Variants in BLM observed in about 807,000 individuals in gnomAD.
The protein encoded by BLM is recQ-like DNA helicase BLM.
A neutral mutation model predicts 135.3 loss-of-function variants in BLM; 95 were observed. The observed-to-expected ratio is 0.70, with a 90% CI of 0.59 to 0.83. The LOEUF is 0.83. Ranked by LOEUF, BLM falls within the 40% of genes least tolerant of loss-of-function variation. BLM has a pLI of 0.00. For missense variants in BLM, 1,518 were observed against 1,663.9 expected (o/e 0.91, Z 1.53); for synonymous variants, 520 against 589.2 (o/e 0.88, Z 1.70).
In BLM at chr15:90,747,237, CAAAAAA is replaced by C. The variant is rs59331923; in HGVS notation, c.-4-131_-4-126del. On this transcript the variant is annotated intron_variant, in intron 1 of 21. Coordinates refer to ENST00000355112, the MANE Select transcript of BLM (RefSeq NM_000057.4). The stretch of plus-strand genomic sequence containing the variant: ...GTAAATGTCAAAACAGTCTATTGAC[CAAAAAA>C]AAAAAAAAAAAAAAAAAAAAGTCCT... Among the ~76,000 whole-genome samples, 8 of 39,294 alleles carry C rather than the reference CAAAAAA, an allele frequency of 2.0e-4. No individual in the cohort carries two copies. In the East Asian group the frequency reaches 3.5e-3, roughly 17 times the overall value. 25.8% of individuals were successfully genotyped at this position (39,294 alleles called of 152,430 possible). A position where few individuals can be genotyped will look rare whatever the true frequency, so the allele number is the denominator to read the frequency against.
At position 90,761,011 on chromosome 15, in the gene BLM, A is replaced by G; in HGVS notation, c.1638A>G (p.Glu546=). The G allele has an allele frequency of 6.2e-7, 1 of 1,607,062 alleles. No homozygotes were observed. The highest frequency in any genetic ancestry group is 8.5e-7 in the Non-Finnish European group (1 of 1,177,380). Residue 546 remains glutamate, a synonymous_variant, in exon 7 of 22, where the codon GAA becomes GAG. Coordinates refer to ENST00000355112, the MANE Select transcript of BLM (RefSeq NM_000057.4). ...HTASINDLER[E]TQPSYDIDNF... is the part of the protein sequence containing the mutation. ...CTTCAATAAATGACTTAGAAAGAGA[A>G]ACCCAACCTTCCTATGATATTGATA...
In BLM at chr15:90,794,276, C is replaced by T. The variant is rs1896977206; in HGVS notation, c.3129C>T (p.Ala1043=). ...AATGCAGGAGAATACAGCTTTTGGCCTACTTTGGTGAAAATGGATTTAATC... is the reference window on the plus strand; with the variant it reads ...AATGCAGGAGAATACAGCTTTTGGCTTACTTTGGTGAAAATGGATTTAATC... The part of the protein sequence containing the change: ...ITECRRIQLL[A]YFGENGFNPD... Residue 1043 remains alanine (A), a synonymous_variant, in exon 16 of 22, where the codon GCC becomes GCT. Coordinates refer to ENST00000355112, the MANE Select transcript of BLM (RefSeq NM_000057.4). 1.9e-6 allele frequency: 3 copies of T among 1,607,040 alleles called. No homozygotes were observed. Among genetic ancestry groups the T allele is most frequent in the Non-Finnish European group, 2.6e-6 (3 of 1,176,176 alleles).
intron 5 of BLM, 195 bp from the exon 6 acceptor site, chr15:90,759,952 A>G: frequency 2.3e-6 from 1 of 431,960 alleles, no homozygotes. Flanking sequence ...TCAAGATCTT[A>G]AGACTTTTTT....
chr15:90,724,186 T>C (rs1315028478), intron 1 of BLM, among the ~76,000 whole-genome samples: 1 of 151,978 alleles, frequency 6.6e-6, no homozygotes, highest in Non-Finnish European at 1.5e-5. Flanking sequence ...CTAACTTTTT[T>C]ATTTTTTGTA....
At chr15:90,752,756 T>G (rs1217285685) in intron 4 of BLM, among the ~76,000 whole-genome samples, 1 of 152,216 alleles carries the variant, frequency 6.6e-6, no homozygotes, top group East Asian at 1.9e-4. Flanking sequence ...CAATGTTACC[T>G]TCGTCCTCAT....
chr15:90,769,300 A>G, intron 11 of BLM, 69 bp downstream of exon 11: 1 of 1,540,248 alleles, frequency 6.5e-7, no homozygotes, highest in Non-Finnish European at 9.0e-7. Context: ...GTATTTACTG[A>G]ATAAAAACCC....
At chr15:90,768,617 T>G (rs745459968) in intron 10 of BLM, among the ~76,000 whole-genome samples, 1 of 152,272 alleles carries the variant, frequency 6.6e-6, no homozygotes, top group Non-Finnish European at 1.5e-5. Flanking sequence ...ATAAGCTGTT[T>G]GCTTAATGTT....
chr15:90,794,048 G>A, intron 15 of BLM, 119 bp from the exon 16 acceptor site: 1 of 660,298 alleles, frequency 1.5e-6, no homozygotes, highest in Non-Finnish European at 2.4e-6. Flanking sequence ...TGACAATGCT[G>A]TTAACAGTAA....
intron 12 of BLM, among the ~76,000 whole-genome samples, chr15:90,781,709 G>C (rs1404455579): frequency 6.6e-6 from 1 of 152,186 alleles, no homozygotes; most frequent in Non-Finnish European, 1.5e-5. Flanking sequence ...TTTTAAGAGA[G>C]CTTATGAATT....
chr15:90,722,630 A>G (rs1894800498), intron 1 of BLM, among the ~76,000 whole-genome samples: 1 of 152,224 alleles, frequency 6.6e-6, no homozygotes, highest in Non-Finnish European at 1.5e-5. Flanking sequence ...TACATAATTT[A>G]AAGAATAGTT....
chr15:90,813,809 G>A (rs9282613), intron 21 of BLM, among the ~76,000 whole-genome samples: 2,027 of 152,254 alleles, frequency 0.013, 23 homozygotes, highest in Middle Eastern at 0.058. Context: ...GTGCTCCCCG[G>A]ATTGAGAGTC....
intron 15 of BLM, among the ~76,000 whole-genome samples, chr15:90,792,329 C>T (rs961130262): frequency 6.6e-5 from 10 of 152,154 alleles, no homozygotes; most frequent in Non-Finnish European, 1.3e-4. Flanking sequence ...TGGTCTTGAA[C>T]TCCTGACCTC....
Position 90,790,660 on chromosome 15 carries a change from T to C in BLM, c.2835T>C (p.Ala945=). ...INQDGCQVIC[A]TIAFGMGIDK... ...TGCTTTTATATCAGGTTATCTGTGC[T>C]ACAATTGCATTTGGAATGGGGATTG... is the stretch of plus-strand genomic sequence containing the variant. Residue 945 remains alanine, a synonymous_variant, in exon 15 of 22, where the codon GCT becomes GCC. Transcript: ENST00000355112. 6.2e-7 allele frequency: 1 copy of C among 1,614,170 alleles called. No homozygotes were observed.
At chr15:90,724,567 C>T (rs1205742214) in intron 1 of BLM, among the ~76,000 whole-genome samples, 2 of 152,176 alleles carry the variant, frequency 1.3e-5, no homozygotes, top group African/African-American at 4.8e-5. Context: ...CACCCGCATT[C>T]CAGACCCCCC....
intron 8 of BLM, among the ~76,000 whole-genome samples, chr15:90,764,165 T>C (rs1189035472): frequency 6.6e-6 from 1 of 151,342 alleles, no homozygotes; most frequent in East Asian, 1.9e-4. Flanking sequence ...CCCATTGTCC[T>C]TTAGGGTTTC....
chr15:90,771,807 C>A (rs1366337461), intron 12 of BLM, among the ~76,000 whole-genome samples: 6 of 152,076 alleles, frequency 3.9e-5, no homozygotes, highest in Non-Finnish European at 7.4e-5. Flanking sequence ...AAAAAAATTT[C>A]TTTTCCTTTT....
chr15:90,789,092 A>G (rs1030132536), intron 14 of BLM, among the ~76,000 whole-genome samples: 8 of 151,854 alleles, frequency 5.3e-5, no homozygotes, highest in African/African-American at 1.9e-4. Context: ...GTTAAACAAT[A>G]GGGGTTTATA....
chr15:90,794,448 C>T (rs1896983511), intron 16 of BLM, 91 bp downstream of exon 16: 2 of 1,036,888 alleles, frequency 1.9e-6, no homozygotes, highest in Non-Finnish European at 2.7e-6. Context: ...AAAAGGTGGT[C>T]TCCGACAGAT....
chr15:90,725,633 T>C (rs1894891127), intron 1 of BLM, among the ~76,000 whole-genome samples: 1 of 151,488 alleles, frequency 6.6e-6, no homozygotes, highest in Admixed American at 6.6e-5. Context: ...CCCAAGTAGC[T>C]GGGACTACAG....
Sources: gnomAD v4.1 joint callset for allele counts (sites outside exome capture counted in the v4.1 genomes callset) on GRCh38, gnomAD v4.1.1 for gene constraint, MANE v1.5 for transcripts, NCBI Gene and HGNC (gene_info 2026-07-23, HGNC 2026-07-21) for gene names.